The following PTPRQ variants were observed in gnomAD, a reference collection of about 807,000 sequenced individuals.
The protein encoded by PTPRQ is phosphatidylinositol phosphatase PTPRQ.
Under a neutral mutation model 246.0 loss-of-function variants are expected in PTPRQ, and 199 were observed. The ratio of observed to expected loss-of-function variants is 0.81; its 90% confidence interval spans 0.72 to 0.91. PTPRQ has a LOEUF of 0.91. Among genes scored for constraint, PTPRQ ranks in the 40% least tolerant of loss-of-function variants. The pLI is 0.00. For synonymous variants in PTPRQ, 869 were observed against 853.2 expected (o/e 1.02, Z -0.32); for missense variants, 2,624 against 2,528.4 (o/e 1.04, Z -0.81).
intron 27 of PTPRQ, among the ~76,000 whole-genome samples, chr12:80,606,377 A>G (rs945047408): frequency 4.0e-5 from 6 of 151,028 alleles, no homozygotes; most frequent in African/African-American, 1.5e-4. Flanking sequence ...CAACACTTAA[A>G]TAAGAGGCCA....
rs548674765 is a variant in PTPRQ, at chr12:80,467,449, C to T, written c.911-1261C>T. Among the ~76,000 whole-genome samples the T allele has an allele frequency of 7.9e-3, 1,198 of 152,002 alleles. 13 individuals are homozygous for T. Among genetic ancestry groups the T allele is most frequent in the African/African-American group, 0.026 (1,093 of 41,492 alleles). Reference sequence around the variant, plus strand: ...TCAACCATTGTGGAAGTCAGTGTGGCGATTCCTCAGGGATCTAGAACTAGA... The same window carrying T: ...TCAACCATTGTGGAAGTCAGTGTGGTGATTCCTCAGGGATCTAGAACTAGA... On this transcript the variant is annotated intron_variant, in intron 6 of 44. Coordinates refer to ENST00000644991, the MANE Select transcript of PTPRQ (RefSeq NM_001145026.2).
intron 8 of PTPRQ, among the ~76,000 whole-genome samples, chr12:80,479,416 A>C (rs1449030772): frequency 1.6e-3 from 249 of 152,106 alleles, no homozygotes; most frequent in Non-Finnish European, 2.5e-3. Context: ...CAGCCACTGC[A>C]AAATCATGCC....
At chr12:80,465,810 C>T (rs1318888140) in intron 6 of PTPRQ, among the ~76,000 whole-genome samples, 15 of 152,224 alleles carry the variant, frequency 9.9e-5, no homozygotes, top group East Asian at 1.9e-4. Context: ...CAACAACCCT[C>T]CATGCTAAAA....
At chr12:80,477,571 C>T (rs1239713139) in intron 8 of PTPRQ, among the ~76,000 whole-genome samples, 3 of 152,194 alleles carry the variant, frequency 2.0e-5, no homozygotes, top group Non-Finnish European at 2.9e-5. Context: ...CAGCTCCCAG[C>T]GTGAACGACG....
chr12:80,657,995 C>G lies in PTPRQ; in HGVS notation c.6126C>G (p.Asn2042Lys), dbSNP rs1339355503. 1 of 1,419,092 alleles carries G rather than the reference C, an allele frequency of 7.0e-7. No homozygotes were observed. The highest frequency in any genetic ancestry group is 9.2e-7 in the Non-Finnish European group (1 of 1,085,674). 87.9% of individuals were successfully genotyped at this position (1,419,092 alleles called of 1,614,324 possible). ...TATATTTTCTTCTAGATAATAATAA[C>G]AGAGTAAAGCTGATAGCTGACGCTA... ...RFPNIKPYNNNRVKLIADASV... is the reference protein window; with the variant it reads ...RFPNIKPYNNKRVKLIADASV... Residue 2042 changes from asparagine to lysine, a missense_variant, in exon 39 of 45, where the codon AAC (asparagine) becomes AAG (lysine). By Grantham distance (94) the Asn-to-Lys change is moderately conservative (BLOSUM62 0). Coordinates refer to ENST00000644991, the MANE Select transcript of PTPRQ (RefSeq NM_001145026.2).
intron 25 of PTPRQ, among the ~76,000 whole-genome samples, chr12:80,557,664 T>G (rs1335334289): frequency 6.6e-6 from 1 of 152,152 alleles, no homozygotes; most frequent in Admixed American, 6.5e-5. Context: ...TTAAAGATAG[T>G]TGTAGATTCA....
chr12:80,606,067 G>C (rs1170037548), intron 27 of PTPRQ, among the ~76,000 whole-genome samples: 1 of 151,114 alleles, frequency 6.6e-6, no homozygotes, highest in Admixed American at 6.6e-5. Context: ...GAGTGAGTAG[G>C]ATAATTAAGG....
At chr12:80,631,531 C>G (rs1438770130) in intron 33 of PTPRQ, among the ~76,000 whole-genome samples, 1 of 152,122 alleles carries the variant, frequency 6.6e-6, no homozygotes. Context: ...ATACCAGTAG[C>G]CTTTTGTTAG....
intron 8 of PTPRQ, among the ~76,000 whole-genome samples, chr12:80,479,526 A>G (rs1434988145): frequency 1.4e-4 from 21 of 148,040 alleles, no homozygotes; most frequent in South Asian, 2.2e-4. Context: ...ACACATAACA[A>G]TATTAACTTT....
Position 80,552,792 on chromosome 12 carries a change from A to G in PTPRQ, c.4285+3058A>G, listed in dbSNP as rs934993542. On this transcript the variant is annotated intron_variant, in intron 25 of 44. Transcript: ENST00000644991. ...AAAGAATTAAGCAGTTATTAAACAT[A>G]TTGTACTATGAACTATGTACTTTCC... Among the ~76,000 whole-genome samples, 23 of 150,990 alleles carry G rather than the reference A, an allele frequency of 1.5e-4. 1 individual carries two copies. Among genetic ancestry groups the G allele is most frequent in the African/African-American group, 5.4e-4 (22 of 41,098 alleles).
intron 3 of PTPRQ, among the ~76,000 whole-genome samples, chr12:80,452,374 A>T (rs1592517836): frequency 6.6e-6 from 1 of 152,226 alleles, no homozygotes; most frequent in East Asian, 1.9e-4. Context: ...ATTTAAAGTC[A>T]ATATTGTTAT....
At chr12:80,607,234 A>G (rs759783943) in intron 27 of PTPRQ, among the ~76,000 whole-genome samples, 18 of 150,978 alleles carry the variant, frequency 1.2e-4, no homozygotes, top group Non-Finnish European at 2.4e-4. Context: ...CTTCTCACAG[A>G]GCTAAGACTT....
At chr12:80,455,772 A>AT (rs59826411) in intron 3 of PTPRQ, among the ~76,000 whole-genome samples, 57,878 of 149,744 alleles carry the variant, frequency 0.39, 12,621 homozygotes, top group African/African-American at 0.61. Flanking sequence ...TTCGTATTTT[A>AT]TTTTTTTTTA....
intron 32 of PTPRQ, among the ~76,000 whole-genome samples, chr12:80,620,922 T>C (rs1205234576): frequency 6.6e-6 from 1 of 151,934 alleles, no homozygotes; most frequent in East Asian, 1.9e-4. Flanking sequence ...ATCAATTTGA[T>C]ATTTTGGCTG....
chr12:80,585,630 T>G (rs1897587757), intron 25 of PTPRQ, among the ~76,000 whole-genome samples: 1 of 152,184 alleles, frequency 6.6e-6, no homozygotes, highest in Non-Finnish European at 1.5e-5. Context: ...ATACCAGGCA[T>G]GCCTCCAACT....
At chr12:80,643,206 G>A (rs561200436) in intron 35 of PTPRQ, among the ~76,000 whole-genome samples, 48 of 152,234 alleles carry the variant, frequency 3.2e-4, no homozygotes, top group African/African-American at 1.2e-3. Context: ...GGGAGGTCGA[G>A]GCGGGTAGAT....
chr12:80,562,840 C>A (rs1207840565), intron 25 of PTPRQ, among the ~76,000 whole-genome samples: 1 of 151,706 alleles, frequency 6.6e-6, no homozygotes, highest in African/African-American at 2.4e-5. Flanking sequence ...AAAGCTTGTT[C>A]TTTGAAAAAA....
rs992698410 is a variant in PTPRQ, at chr12:80,616,148, CACAT to C, written c.5164-46_5164-43del. On this transcript the variant is annotated intron_variant, in intron 29 of 44. Coordinates refer to ENST00000644991, the MANE Select transcript of PTPRQ (RefSeq NM_001145026.2). ...ACATGCATATATATATATATACACA[CACAT>C]ACATAAGCAATCACTTGAAAATAGT... 7 of 1,329,392 alleles carry C rather than the reference CACAT, an allele frequency of 5.3e-6. No homozygotes were observed. The African/African-American group carries it at 7.7e-5, about 15-fold the overall frequency. 82.3% of individuals were successfully genotyped at this position (1,329,392 alleles called of 1,614,324 possible).
In PTPRQ at chr12:80,613,854, CAGTT is replaced by C; in HGVS notation, c.5163+20_5163+23del. On this transcript the variant is annotated intron_variant, in intron 29 of 44. Coordinates refer to ENST00000644991, the MANE Select transcript of PTPRQ (RefSeq NM_001145026.2). ...ATATCAGTGTAAGAATCCGTAGCTT[CAGTT>C]AATTACCCAAATGACAATGTCAGTT... The C allele has an allele frequency of 6.8e-7, 1 of 1,474,928 alleles. No individual in the cohort carries two copies. The highest frequency in any genetic ancestry group is 9.0e-7 in the Non-Finnish European group (1 of 1,110,428). 91.4% of individuals were successfully genotyped at this position (1,474,928 alleles called of 1,614,324 possible).
Sources: gnomAD v4.1 joint callset for allele counts (sites outside exome capture counted in the v4.1 genomes callset) on GRCh38, gnomAD v4.1.1 for gene constraint, MANE v1.5 for transcripts, NCBI Gene and HGNC (gene_info 2026-07-23, HGNC 2026-07-21) for gene names.